OTOP1: variants seen among roughly 807,000 people sequenced by gnomAD.
The protein encoded by OTOP1 is otopetrin 1.
A neutral mutation model predicts 52.9 loss-of-function variants in OTOP1; 59 were observed. The ratio of observed to expected loss-of-function variants is 1.12; its 90% confidence interval spans 0.91 to 1.39. The LOEUF is 1.39. Ranked by LOEUF, OTOP1 falls within the 40% of genes most tolerant of loss-of-function variation. OTOP1 has a pLI of 0.00. For missense variants in OTOP1, 761 were observed against 800.9 expected (o/e 0.95, Z 0.60); for synonymous variants, 317 against 337.7 (o/e 0.94, Z 0.67).
At chr4:4,208,182 G>T (rs1351708762) in intron 2 of OTOP1, among the ~76,000 whole-genome samples, 2 of 152,180 alleles carry the variant, frequency 1.3e-5, no homozygotes, top group African/African-American at 4.8e-5. Context: ...CATTGTGAGG[G>T]TGAAATTCAA....
chr4:4,195,354 A>G (rs1205450385), intron 5 of OTOP1, among the ~76,000 whole-genome samples: 2 of 152,130 alleles, frequency 1.3e-5, no homozygotes, highest in Non-Finnish European at 2.9e-5. Flanking sequence ...GCTGATGCGG[A>G]CAGATAGGTG....
intron 2 of OTOP1, among the ~76,000 whole-genome samples, chr4:4,210,011 CCCT>C (rs1474802668): frequency 6.6e-6 from 1 of 152,148 alleles, no homozygotes; most frequent in African/African-American, 2.4e-5. Flanking sequence ...TGCCGAAATG[CCCT>C]CCTTTGTGCT....
chr4:4,192,196 C>G (rs1220804657), intron 5 of OTOP1, among the ~76,000 whole-genome samples: 1 of 152,112 alleles, frequency 6.6e-6, no homozygotes, highest in African/African-American at 2.4e-5. Flanking sequence ...GCTCTGGGGC[C>G]CTGAACCACC....
chr4:4,203,981 G>C (rs761239592), intron 3 of OTOP1, among the ~76,000 whole-genome samples: 1 of 152,186 alleles, frequency 6.6e-6, no homozygotes, highest in Non-Finnish European at 1.5e-5. Context: ...CAAAGAAGCT[G>C]GGTCTTGGAA....
Position 4,197,302 on chromosome 4 carries a change from T to C in OTOP1, c.1532A>G (p.Lys511Arg). 6.2e-7 allele frequency: 1 copy of C among 1,614,128 alleles called. No individual in the cohort carries two copies. The highest frequency in any genetic ancestry group is 8.5e-7 in the Non-Finnish European group (1 of 1,180,010). ...GCTCTCCTCCTGCTTCTCCTCCTCC[T>C]TGTCATGGCTTTCTCTCATGCACAC... ...GNVCMRESHD[K>R]EEEKQEESSW... is the part of the protein sequence containing the mutation. The change falls in exon 5 of 6, where the codon AAG (lysine) becomes AGG (arginine). Residue 511 changes from lysine to arginine, a missense_variant. This residue lies in a region of OTOP1 where 632 missense variants were observed against 619.5 expected (regional missense o/e 1.02). Coordinates refer to ENST00000296358, the MANE Select transcript of OTOP1 (RefSeq NM_177998.3).
intron 2 of OTOP1, among the ~76,000 whole-genome samples, chr4:4,207,075 A>G (rs1716921397): frequency 1.3e-5 from 2 of 152,238 alleles, no homozygotes; most frequent in Admixed American, 1.3e-4. Context: ...AAAATCAGAG[A>G]GTAAAAAATA....
chr4:4,198,152 G>C, intron 4 of OTOP1, 49 bp from the exon 5 acceptor site: 1 of 1,502,600 alleles, frequency 6.7e-7, no homozygotes, highest in Non-Finnish European at 9.2e-7. Flanking sequence ...CAGGTGCAAG[G>C]GGGAACAGAA....
chr4:4,210,566 C>T (rs1577181421), intron 2 of OTOP1, among the ~76,000 whole-genome samples: 1 of 152,318 alleles, frequency 6.6e-6, no homozygotes, highest in African/African-American at 2.4e-5. Context: ...CGCGGTGCCT[C>T]AGGCCTGTAA....
chr4:4,196,438 T>C (rs1361935362), intron 5 of OTOP1, among the ~76,000 whole-genome samples: 1 of 152,204 alleles, frequency 6.6e-6, no homozygotes, highest in African/African-American at 2.4e-5. Context: ...GTGCCTGTAA[T>C]CCCAGCTACT....
intron 1 of OTOP1, among the ~76,000 whole-genome samples, chr4:4,215,940 G>A (rs1560210174): frequency 6.6e-6 from 1 of 152,020 alleles, no homozygotes; most frequent in African/African-American, 2.4e-5. Flanking sequence ...TGGGATTACA[G>A]GCGTGCACCA....
At chr4:4,225,307 T>G (rs964282272) in intron 1 of OTOP1, among the ~76,000 whole-genome samples, 2 of 152,304 alleles carry the variant, frequency 1.3e-5, no homozygotes, top group East Asian at 3.9e-4. Context: ...CAGTGGTTCA[T>G]GCCTGTGATC....
chr4:4,215,432 C>T (rs1717120027), intron 1 of OTOP1, among the ~76,000 whole-genome samples: 1 of 152,106 alleles, frequency 6.6e-6, no homozygotes. Flanking sequence ...GATGCTGAGG[C>T]GGGTGGATCA....
rs1284885800 is a variant in OTOP1 at position 4,198,030 on chromosome 4, G to A, written c.804C>T (p.Tyr268=). 1.6e-5 allele frequency: 26 copies of A among 1,614,024 alleles called. No homozygotes were observed. The highest frequency in any genetic ancestry group is 2.1e-5 in the Non-Finnish European group (25 of 1,179,994). ...TLCTAISHGI[Y]YLYPFNIEYQ... is the part of the protein sequence containing the mutation. ...ACTCTATGTTGAAGGGGTAGAGGTAGTAGATCCCGTGGGAGATGGCAGTGC... is the reference window on the plus strand; with the variant it reads ...ACTCTATGTTGAAGGGGTAGAGGTAATAGATCCCGTGGGAGATGGCAGTGC... The change falls in exon 5 of 6, where the codon TAC becomes TAT. Residue 268 remains tyrosine, a synonymous_variant. Transcript: ENST00000296358.
intron 3 of OTOP1, among the ~76,000 whole-genome samples, chr4:4,204,306 C>T (rs1716850614): frequency 6.6e-6 from 1 of 152,166 alleles, no homozygotes; most frequent in Admixed American, 6.5e-5. Context: ...TAGATCATGG[C>T]CAGCCTTCCC....
chr4:4,218,665 C>G (rs1717204212), intron 1 of OTOP1, among the ~76,000 whole-genome samples: 1 of 152,076 alleles, frequency 6.6e-6, no homozygotes, highest in Non-Finnish European at 1.5e-5. Context: ...CGGTGACTCA[C>G]ACCTATAATC....
chr4:4,199,233 T>TGTGTGTGTGA (rs1212354837), intron 4 of OTOP1, among the ~76,000 whole-genome samples: 2 of 98,498 alleles, frequency 2.0e-5, no homozygotes, highest in African/African-American at 4.4e-5. Flanking sequence ...TGTGTGTGTG[T>TGTGTGTGTGA]GAGAGAGAGA....
chr4:4,200,723 C>T (rs867781649), intron 4 of OTOP1, among the ~76,000 whole-genome samples: 28 of 106,504 alleles, frequency 2.6e-4, no homozygotes, highest in Middle Eastern at 6.2e-3. Context: ...GCATGCCTGC[C>T]TTTTTTTTTT....
At chr4:4,219,662 A>C (rs996888685) in intron 1 of OTOP1, among the ~76,000 whole-genome samples, 1 of 148,704 alleles carries the variant, frequency 6.7e-6, no homozygotes, top group South Asian at 2.1e-4. Context: ...GTGCCACTGC[A>C]CTCCAGCCTG....
At position 4,219,428 on chromosome 4, in the gene OTOP1, G is replaced by A. The variant is rs145291884; in HGVS notation, c.404-6424C>T. ...TATGATAAAAGACAGATTGCCGGGC[G>A]CGGTGGCTCACGCCTGTAATCCCAG... is the stretch of plus-strand genomic sequence containing the variant. On this transcript the variant is annotated intron_variant, in intron 1 of 5. Coordinates refer to ENST00000296358, the MANE Select transcript of OTOP1 (RefSeq NM_177998.3). 4.6e-3 allele frequency among the ~76,000 whole-genome samples: 705 copies of A among 152,244 alleles called. 5 individuals carry two copies. The highest frequency in any genetic ancestry group is 0.015 in the African/African-American group (643 of 41,562).
Sources: gnomAD v4.1 joint callset for allele counts (sites outside exome capture counted in the v4.1 genomes callset) on GRCh38, gnomAD v4.1.1 for gene constraint, gnomAD v4.1.1 regional missense constraint, MANE v1.5 for transcripts, NCBI Gene and HGNC (gene_info 2026-07-23, HGNC 2026-07-21) for gene names.